OPCML: variants seen among roughly 807,000 people sequenced by gnomAD.
OPCML encodes opioid binding protein/cell adhesion molecule like, also known as opioid-binding protein/cell adhesion molecule.
Under a neutral mutation model 37.8 loss-of-function variants are expected in OPCML, and 13 were observed. The observed-to-expected ratio is 0.34, with a 90% CI of 0.22 to 0.55. The LOEUF is 0.55. Among genes scored for constraint, OPCML ranks in the 20% least tolerant of loss-of-function variants. The probability of loss-of-function intolerance (pLI) is 0.91; values close to 1 mark genes in which losing one functional copy is unlikely to be tolerated. For synonymous variants in OPCML, 176 were observed against 168.8 expected (o/e 1.04, Z -0.33); for missense variants, 341 against 435.6 (o/e 0.78, Z 1.93).
rs1949269780 is a variant in OPCML, at chr11:133,112,328, A to C, written c.62-169318T>G. On this transcript the variant is annotated intron_variant, in intron 1 of 7. Transcript: ENST00000524381. ...AAAAAAAAGGGGAAAGAAACAAAAT[A>C]TCTCATATCACTTGGAAAACACGGT... is the stretch of plus-strand genomic sequence containing the variant. 2.7e-5 allele frequency among the ~76,000 whole-genome samples: 4 copies of C among 150,698 alleles called. No individual in the cohort carries two copies. The South Asian group carries it at 8.3e-4, about 31-fold the overall frequency.
intron 1 of OPCML, chr11:133,006,662 C>A (rs1947119304): frequency 9.1e-6 from 9 of 985,302 alleles, no homozygotes; most frequent in African/African-American, 1.7e-5. Context: ...GGTCAGTGCC[C>A]TTCCCTGATC....
intron 1 of OPCML, among the ~76,000 whole-genome samples, chr11:133,457,497 C>A (rs1459883001): frequency 1.3e-5 from 2 of 152,130 alleles, no homozygotes; most frequent in Admixed American, 6.6e-5. Context: ...AGTCATCATG[C>A]CACTACATTC....
chr11:132,689,167 T>C (rs1010035532), intron 2 of OPCML, among the ~76,000 whole-genome samples: 10 of 152,148 alleles, frequency 6.6e-5, no homozygotes, highest in Admixed American at 3.3e-4. Context: ...TCTAGGCTTG[T>C]TTTCAGAATA....
intron 1 of OPCML, among the ~76,000 whole-genome samples, chr11:133,483,795 T>TGATAGATGATAGATAGATA (rs59881013): frequency 0.063 from 8,349 of 132,386 alleles, 431 homozygotes; most frequent in African/African-American, 0.14. Flanking sequence ...GATACATAGA[T>TGATAGATGATAGATAGATA]GATAGATAGA....
intron 3 of OPCML, among the ~76,000 whole-genome samples, chr11:132,618,258 T>C (rs936545649): frequency 6.6e-6 from 1 of 152,204 alleles, no homozygotes; most frequent in African/African-American, 2.4e-5. Flanking sequence ...TTTTGTTTGG[T>C]GAATAGCTAG....
intron 7 of OPCML, among the ~76,000 whole-genome samples, chr11:132,432,438 C>G (rs1371260573): frequency 6.6e-6 from 1 of 152,090 alleles, no homozygotes; most frequent in Non-Finnish European, 1.5e-5. Flanking sequence ...TTGTAGGGAC[C>G]ACAGAAACCA....
chr11:133,425,079 T>C (rs1945973887), intron 1 of OPCML, among the ~76,000 whole-genome samples: 2 of 152,160 alleles, frequency 1.3e-5, no homozygotes, highest in Non-Finnish European at 2.9e-5. Context: ...ATAGCTTCCT[T>C]CTTAGAAAGA....
intron 1 of OPCML, among the ~76,000 whole-genome samples, chr11:133,156,997 G>A (rs1950071225): frequency 6.6e-6 from 1 of 152,064 alleles, no homozygotes. Flanking sequence ...TTCAGCTCAT[G>A]AAACCACTTA....
chr11:132,507,979 T>C lies in OPCML; in HGVS notation c.505+21082A>G, dbSNP rs138015637. Among the ~76,000 whole-genome samples the C allele has an allele frequency of 5.2e-3, 794 of 152,268 alleles. 10 individuals are homozygous for C. Among genetic ancestry groups the C allele is most frequent in the African/African-American group, 0.018 (754 of 41,566 alleles). On this transcript the variant is annotated intron_variant, in intron 4 of 7. Coordinates refer to ENST00000524381, the MANE Select transcript of OPCML (RefSeq NM_001012393.5). The stretch of plus-strand genomic sequence containing the variant: ...GAAGAAAATTTGATAACACCTATCT[T>C]TTCCTGACTAAACATTTTATTGAAA...
intron 1 of OPCML, among the ~76,000 whole-genome samples, chr11:133,019,297 A>C (rs533377984): frequency 6.6e-6 from 1 of 152,290 alleles, no homozygotes; most frequent in Non-Finnish European, 1.5e-5. Context: ...TTTGAAAAGG[A>C]ACTCCAGGTA....
intron 1 of OPCML, among the ~76,000 whole-genome samples, chr11:133,039,543 T>C (rs964802439): frequency 6.6e-6 from 1 of 152,034 alleles, no homozygotes; most frequent in Non-Finnish European, 1.5e-5. Context: ...GTGGTCATAG[T>C]GCACCCATGA....
At chr11:132,652,546 C>T (rs370380279) in intron 3 of OPCML, among the ~76,000 whole-genome samples, 4 of 152,312 alleles carry the variant, frequency 2.6e-5, no homozygotes, top group African/African-American at 9.6e-5. Context: ...ACTGGGGACT[C>T]AGCCAGGCTC....
At chr11:132,461,723 A>C (rs1286645709) in intron 4 of OPCML, among the ~76,000 whole-genome samples, 17 of 152,186 alleles carry the variant, frequency 1.1e-4, no homozygotes, top group African/African-American at 2.4e-5. Context: ...ATTGACTCAC[A>C]GTTCTGCAGG....
At chr11:132,825,699 T>G (rs1206594733) in intron 2 of OPCML, among the ~76,000 whole-genome samples, 1 of 152,226 alleles carries the variant, frequency 6.6e-6, no homozygotes, top group Non-Finnish European at 1.5e-5. Flanking sequence ...TGTGAATGAC[T>G]CTTAGCCCTT....
intron 2 of OPCML, among the ~76,000 whole-genome samples, chr11:132,870,878 T>C (rs1335170762): frequency 6.6e-6 from 1 of 152,160 alleles, no homozygotes; most frequent in African/African-American, 2.4e-5. Context: ...AAAATGGTGG[T>C]TGCCAGTGGT....
intron 1 of OPCML, among the ~76,000 whole-genome samples, chr11:133,405,684 C>T (rs1271766386): frequency 2.0e-5 from 3 of 152,052 alleles, no homozygotes; most frequent in African/African-American, 7.2e-5. Flanking sequence ...ATATTCCTGC[C>T]TTGGGCCACT....
At chr11:132,788,776 G>C (rs1168429922) in intron 2 of OPCML, among the ~76,000 whole-genome samples, 1 of 152,194 alleles carries the variant, frequency 6.6e-6, no homozygotes, top group African/African-American at 2.4e-5. Flanking sequence ...AGGTTACCTA[G>C]CTGGTAAGGG....
chr11:132,949,714 T>G (rs182592519), intron 1 of OPCML, among the ~76,000 whole-genome samples: 5 of 152,352 alleles, frequency 3.3e-5, no homozygotes, highest in Admixed American at 6.5e-5. Context: ...TCTGTAAATA[T>G]GTATGACACA....
intron 2 of OPCML, among the ~76,000 whole-genome samples, chr11:132,788,401 T>C (rs903764000): frequency 6.6e-5 from 10 of 152,136 alleles, no homozygotes; most frequent in Non-Finnish European, 8.8e-5. Flanking sequence ...TATTTCTAAT[T>C]TATTCATTTT....
Sources: allele counts gnomAD v4.1 joint callset (sites outside exome capture counted in the v4.1 genomes callset), GRCh38; gene constraint gnomAD v4.1.1; transcripts MANE v1.5; gene names NCBI Gene and HGNC (gene_info 2026-07-23, HGNC 2026-07-21).